ANKS1B: variants seen among roughly 807,000 people sequenced by gnomAD.
ANKS1B encodes the protein ankyrin repeat and sterile alpha motif domain containing 1B.
A neutral mutation model predicts 148.3 loss-of-function variants in ANKS1B; 36 were observed. The ratio of observed to expected loss-of-function variants is 0.24; its 90% CI spans 0.19 to 0.32. ANKS1B has a LOEUF of 0.32. Ranked by LOEUF, ANKS1B falls within the 10% of genes least tolerant of loss-of-function variation. The pLI, the probability that ANKS1B is intolerant of heterozygous loss-of-function variation, is 1.00. For synonymous variants in ANKS1B, 542 were observed against 560.8 expected (o/e 0.97, Z 0.47); for missense variants, 1,157 against 1,542.6 (o/e 0.75, Z 4.19).
intron 12 of ANKS1B, among the ~76,000 whole-genome samples, chr12:99,323,744 C>T (rs1203564464): frequency 6.6e-6 from 1 of 152,078 alleles, no homozygotes; most frequent in Non-Finnish European, 1.5e-5. Context: ...AAAGGGAACT[C>T]TGAAGAAAGT....
At position 99,542,570 on chromosome 12, in the gene ANKS1B, C is replaced by T. The variant is rs1378606232; in HGVS notation, c.1273-37929G>A. Among the ~76,000 whole-genome samples the T allele has an allele frequency of 3.3e-5, 5 of 151,914 alleles. No individual in the cohort carries two copies. In the East Asian group the frequency reaches 9.7e-4, roughly 29 times the overall value. ...ACAGAAATTGAAAAGCTGGTTCTAA[C>T]ATTTATTTATATGGAAACAGAAGGA... On this transcript the variant is annotated intron_variant, in intron 9 of 26. Transcript: ENST00000683438.
chr12:98,909,613 G>A (rs2099784002), intron 17 of ANKS1B, among the ~76,000 whole-genome samples: 1 of 152,096 alleles, frequency 6.6e-6, no homozygotes, highest in African/African-American at 2.4e-5. Context: ...CATTCCTGGG[G>A]AACAAAAAGT....
chr12:99,784,740 T>C (rs1198053225), intron 4 of ANKS1B, among the ~76,000 whole-genome samples: 2 of 152,228 alleles, frequency 1.3e-5, no homozygotes, highest in African/African-American at 4.8e-5. Context: ...CCTGTGATTC[T>C]GTAGGTCTAA....
At chr12:98,782,606 T>C (rs188113996) in intron 22 of ANKS1B, among the ~76,000 whole-genome samples, 2 of 152,364 alleles carry the variant, frequency 1.3e-5, no homozygotes, top group African/African-American at 4.8e-5. Context: ...GAGACTTCAA[T>C]TGCATCTTTT....
intron 15 of ANKS1B, among the ~76,000 whole-genome samples, chr12:99,140,810 G>A (rs2070436991): frequency 6.6e-6 from 1 of 152,036 alleles, no homozygotes; most frequent in South Asian, 2.1e-4. Flanking sequence ...CCTAAGCATG[G>A]CCCTGTAATC....
rs559335663 is a variant in ANKS1B, at chr12:99,871,537, C to A, written c.135-46148G>T. On this transcript the variant is annotated intron_variant, in intron 1 of 26. Coordinates refer to ENST00000683438, the MANE Select transcript of ANKS1B (RefSeq NM_001352186.2). ...TTTTAATAATATTGATTCTTCCAAT[C>A]CATGAGCATGGAATTTTTTTCCAAT... 2.4e-4 allele frequency among the ~76,000 whole-genome samples: 36 copies of A among 152,242 alleles called. 1 individual carries two copies. In the South Asian group the frequency reaches 6.8e-3, roughly 29 times the overall value.
At chr12:99,759,216 A>G (rs941068992) in intron 8 of ANKS1B, among the ~76,000 whole-genome samples, 3 of 151,920 alleles carry the variant, frequency 2.0e-5, no homozygotes, top group Non-Finnish European at 4.4e-5. Context: ...ACAACTTTTC[A>G]GCTTTAAAAA....
intron 12 of ANKS1B, among the ~76,000 whole-genome samples, chr12:99,296,109 T>C (rs1237207772): frequency 2.6e-5 from 4 of 152,176 alleles, no homozygotes; most frequent in African/African-American, 7.2e-5. Flanking sequence ...CCTTTATTCA[T>C]TGAGTCAAAC....
intron 8 of ANKS1B, among the ~76,000 whole-genome samples, chr12:99,691,142 C>T (rs1005960130): frequency 5.3e-5 from 8 of 152,204 alleles, no homozygotes; most frequent in African/African-American, 1.7e-4. Flanking sequence ...GCTGAAGCAG[C>T]TGCGATGCAA....
intron 5 of ANKS1B, 134 bp from the exon 6 acceptor site, chr12:99,780,106 T>C (rs2064097327): frequency 3.1e-6 from 2 of 653,116 alleles, no homozygotes; most frequent in African/African-American, 1.9e-5. Context: ...AATTAAGTTC[T>C]ACACACACAC....
chr12:98,816,147 C>T (rs2099138074), intron 19 of ANKS1B, among the ~76,000 whole-genome samples: 1 of 152,164 alleles, frequency 6.6e-6, no homozygotes, highest in South Asian at 2.1e-4. Context: ...CCTCTGGCTA[C>T]TATAGGCCTA....
intron 16 of ANKS1B, among the ~76,000 whole-genome samples, chr12:99,067,719 T>C (rs1000968854): frequency 2.0e-5 from 3 of 152,202 alleles, no homozygotes; most frequent in African/African-American, 7.2e-5. Context: ...GAAGCCCTGG[T>C]TGGAGTTCCT....
intron 1 of ANKS1B, among the ~76,000 whole-genome samples, chr12:99,898,937 A>T (rs1399740263): frequency 6.6e-6 from 1 of 152,192 alleles, no homozygotes; most frequent in Non-Finnish European, 1.5e-5. Context: ...CAAGAATAAC[A>T]GCTACCTGGA....
chr12:99,044,263 T>A (rs1459095321), intron 17 of ANKS1B, among the ~76,000 whole-genome samples: 1 of 150,640 alleles, frequency 6.6e-6, no homozygotes, highest in Middle Eastern at 3.4e-3. Flanking sequence ...AAGAAAATAC[T>A]TTAAAGAACA....
chr12:98,899,274 A>G (rs1305867229), intron 17 of ANKS1B, among the ~76,000 whole-genome samples: 1 of 152,300 alleles, frequency 6.6e-6, no homozygotes, highest in East Asian at 1.9e-4. Context: ...ATGTGATAAT[A>G]ATGTAAGCTA....
chr12:98,754,226 C>A (rs746325068), intron 25 of ANKS1B, among the ~76,000 whole-genome samples: 4 of 152,206 alleles, frequency 2.6e-5, no homozygotes, highest in Non-Finnish European at 5.9e-5. Context: ...CCCATGTTTG[C>A]CTCCAGAGAT....
chr12:99,711,929 G>A (rs2056692772), intron 8 of ANKS1B, among the ~76,000 whole-genome samples: 1 of 152,064 alleles, frequency 6.6e-6, no homozygotes, highest in Non-Finnish European at 1.5e-5. Context: ...CAAAAGCAAA[G>A]ACATGGAATC....
intron 17 of ANKS1B, among the ~76,000 whole-genome samples, chr12:98,973,631 T>C (rs1033164063): frequency 6.6e-6 from 1 of 152,214 alleles, no homozygotes; most frequent in African/African-American, 2.4e-5. Context: ...CCATGCTGTC[T>C]GCCCTTAGTC....
intron 12 of ANKS1B, among the ~76,000 whole-genome samples, chr12:99,342,644 T>C (rs2090097311): frequency 6.6e-6 from 1 of 152,006 alleles, no homozygotes; most frequent in African/African-American, 2.4e-5. Context: ...AGTGGTAAAC[T>C]CTCCTAAAAT....
Sources: allele counts gnomAD v4.1 joint callset (sites outside exome capture counted in the v4.1 genomes callset), GRCh38; gene constraint gnomAD v4.1.1; transcripts MANE v1.5; gene names NCBI Gene and HGNC (gene_info 2026-07-23, HGNC 2026-07-21).